The following STXBP5L variants were observed in gnomAD, a reference collection of about 807,000 sequenced individuals.
STXBP5L encodes syntaxin binding protein 5L.
A neutral mutation model predicts 144.5 loss-of-function variants in STXBP5L; 65 were observed. That is an observed-to-expected ratio of 0.45 (90% CI 0.37 to 0.55). The LOEUF is 0.55. STXBP5L is among the 20% of genes least tolerant of loss of function. The probability of loss-of-function intolerance (pLI) is 0.00; values close to 1 mark genes in which losing one functional copy is unlikely to be tolerated. For missense variants in STXBP5L, 1,298 were observed against 1,405.5 expected (o/e 0.92, Z 1.22); for synonymous variants, 505 against 469.6 (o/e 1.08, Z -0.97).
At chr3:121,030,365 TC>T (rs1946278791) in intron 3 of STXBP5L, among the ~76,000 whole-genome samples, 1 of 152,160 alleles carries the variant, frequency 6.6e-6, no homozygotes, top group South Asian at 2.1e-4. Flanking sequence ...AAGGATGAGT[TC>T]ATGTCCTTTG....
chr3:121,121,520 A>T (rs1277950847), intron 6 of STXBP5L, 121 bp from the exon 7 acceptor site: 7 of 634,134 alleles, frequency 1.1e-5, no homozygotes, highest in African/African-American at 1.8e-5. Flanking sequence ...AGTGAATCTG[A>T]GCTTAACCCT....
At chr3:121,176,567 T>C (rs1000571404) in intron 9 of STXBP5L, among the ~76,000 whole-genome samples, 3 of 145,802 alleles carry the variant, frequency 2.1e-5, no homozygotes, top group Non-Finnish European at 4.5e-5. Context: ...TTTTCAGATA[T>C]GAAAAGTAAT....
chr3:121,032,027 A>C (rs144812481), intron 3 of STXBP5L, among the ~76,000 whole-genome samples: 3 of 152,116 alleles, frequency 2.0e-5, no homozygotes, highest in Admixed American at 2.0e-4. Context: ...ATGCAAGTAG[A>C]GTGATCTACT....
At chr3:121,017,082 A>C (rs1378743115) in intron 3 of STXBP5L, among the ~76,000 whole-genome samples, 1 of 152,236 alleles carries the variant, frequency 6.6e-6, no homozygotes, top group Admixed American at 6.5e-5. Flanking sequence ...AAAAAGAATT[A>C]TACACTATGA....
intron 9 of STXBP5L, among the ~76,000 whole-genome samples, chr3:121,161,035 T>C (rs2046306700): frequency 6.6e-6 from 1 of 152,126 alleles, no homozygotes; most frequent in Non-Finnish European, 1.5e-5. Flanking sequence ...CATCCAAATA[T>C]ATTGTTATAA....
At chr3:121,348,375 A>T (rs1234691281) in intron 20 of STXBP5L, among the ~76,000 whole-genome samples, 1 of 151,888 alleles carries the variant, frequency 6.6e-6, no homozygotes, top group Non-Finnish European at 1.5e-5. Context: ...TTTATTGAGG[A>T]TTTTTGTGTC....
chr3:121,015,619 G>T (rs879396048), intron 3 of STXBP5L, among the ~76,000 whole-genome samples: 5 of 152,174 alleles, frequency 3.3e-5, no homozygotes, highest in Admixed American at 6.6e-5. Flanking sequence ...GAACCCACCA[G>T]GTTCTCATGG....
At chr3:120,951,241 G>A (rs1240626620) in intron 2 of STXBP5L, among the ~76,000 whole-genome samples, 3 of 152,172 alleles carry the variant, frequency 2.0e-5, no homozygotes, top group East Asian at 3.9e-4. Context: ...ACATAGGCAC[G>A]GGCAAGGACT....
At chr3:121,052,402 C>G (rs1178221172) in intron 5 of STXBP5L, among the ~76,000 whole-genome samples, 2 of 152,170 alleles carry the variant, frequency 1.3e-5, no homozygotes, top group African/African-American at 4.8e-5. Flanking sequence ...CCACCATGAT[C>G]AAGTGGGCTT....
At chr3:121,331,830 G>T (rs2044329537) in intron 20 of STXBP5L, among the ~76,000 whole-genome samples, 1 of 152,030 alleles carries the variant, frequency 6.6e-6, no homozygotes, top group African/African-American at 2.4e-5. Context: ...AAATAAAAAA[G>T]TGCACACCAA....
intron 2 of STXBP5L, among the ~76,000 whole-genome samples, chr3:120,951,764 A>G (rs1711246431): frequency 6.6e-6 from 1 of 152,152 alleles, no homozygotes; most frequent in Non-Finnish European, 1.5e-5. Flanking sequence ...TCAGGGATCT[A>G]GAACTAAAAA....
chr3:120,960,175 G>T (rs139455553), intron 3 of STXBP5L, among the ~76,000 whole-genome samples: 15,298 of 152,014 alleles, frequency 0.1, 1,159 homozygotes, highest in Admixed American at 0.2. Context: ...TCATCACTGG[G>T]CAACAGAGAA....
At chr3:121,253,810 C>CTTTTTTTTTTTTTTTTT (rs34678687) in intron 15 of STXBP5L, among the ~76,000 whole-genome samples, 2 of 95,078 alleles carry the variant, frequency 2.1e-5, no homozygotes, top group Admixed American at 1.3e-4. Flanking sequence ...TTTTTTTTTT[C>CTTTTTTTTTTTTTTTTT]TTTTTTTTTT....
In STXBP5L at chr3:121,024,098, G is replaced by T. The variant is rs1373985353; in HGVS notation, c.288-17602G>T. 2.0e-5 allele frequency among the ~76,000 whole-genome samples: 3 copies of T among 152,040 alleles called. No homozygotes were observed. In the East Asian group the frequency reaches 5.8e-4, roughly 29 times the overall value. ...AAACAAAAAATGAAAAATAAAAATT[G>T]CCCTGCGAAAGACACTCTTAAAGGA... On this transcript the variant is annotated intron_variant, in intron 3 of 26. Transcript: ENST00000471454.
chr3:120,916,466 A>G (rs1709108145), intron 2 of STXBP5L, among the ~76,000 whole-genome samples: 1 of 151,754 alleles, frequency 6.6e-6, no homozygotes, highest in Admixed American at 6.6e-5. Flanking sequence ...ACGCCCGGCT[A>G]ATTTTTGTAT....
intron 5 of STXBP5L, among the ~76,000 whole-genome samples, chr3:121,053,183 A>G (rs1948163328): frequency 6.6e-6 from 1 of 152,226 alleles, no homozygotes; most frequent in Non-Finnish European, 1.5e-5. Flanking sequence ...TAATTTATAG[A>G]TTCAATGCCA....
intron 7 of STXBP5L, among the ~76,000 whole-genome samples, chr3:121,135,797 C>A (rs770555343): frequency 6.6e-6 from 1 of 152,148 alleles, no homozygotes; most frequent in Non-Finnish European, 1.5e-5. Flanking sequence ...GGAACTCCTG[C>A]TCTAGACCAC....
At chr3:121,211,204 G>A (rs1330990568) in intron 10 of STXBP5L, among the ~76,000 whole-genome samples, 2 of 152,194 alleles carry the variant, frequency 1.3e-5, no homozygotes, top group East Asian at 3.8e-4. Flanking sequence ...TTGTGAATGT[G>A]AGTTTACTCA....
intron 3 of STXBP5L, among the ~76,000 whole-genome samples, chr3:121,040,072 C>G (rs1259529413): frequency 6.6e-6 from 1 of 151,926 alleles, no homozygotes; most frequent in Admixed American, 6.6e-5. Flanking sequence ...CTATCTCTGT[C>G]TATTATTTCT....
Sources: allele counts gnomAD v4.1 joint callset (sites outside exome capture counted in the v4.1 genomes callset), GRCh38; gene constraint gnomAD v4.1.1; transcripts MANE v1.5; gene names NCBI Gene and HGNC (gene_info 2026-07-23, HGNC 2026-07-21).